STPG2: variants seen among roughly 807,000 people sequenced by gnomAD.
STPG2 encodes the protein sperm tail PG-rich repeat containing 2.
STPG2 carries 56 observed loss-of-function variants against 54.2 expected under a neutral mutation model. The observed-to-expected ratio is 1.03, with a 90% CI of 0.83 to 1.29. The LOEUF (loss-of-function observed/expected upper bound fraction) is 1.29. Among genes scored for constraint, STPG2 ranks in the 50% most tolerant of loss-of-function variants. The pLI, the probability that STPG2 is intolerant of heterozygous loss-of-function variation, is 0.00. For synonymous variants in STPG2, 200 were observed against 181.8 expected (o/e 1.10, Z -0.81); for missense variants, 596 against 544.9 (o/e 1.09, Z -0.93).
At position 97,721,135 on chromosome 4, in the gene STPG2, C is replaced by A. The variant is rs111350119; in HGVS notation, c.1205-8321G>T. 4.9e-3 allele frequency among the ~76,000 whole-genome samples: 749 copies of A among 152,146 alleles called. 4 individuals carry two copies. Among genetic ancestry groups the A allele is most frequent in the Middle Eastern group, 0.02 (6 of 294 alleles). On this transcript the variant is annotated intron_variant, in intron 9 of 10. Coordinates refer to ENST00000295268, the MANE Select transcript of STPG2 (RefSeq NM_174952.3). ...CAAGGAACAGCCTCACTCATTTAGGCAAGCACGTATAGCAAGAGATGAAAA... is the reference window on the plus strand; with the variant it reads ...CAAGGAACAGCCTCACTCATTTAGGAAAGCACGTATAGCAAGAGATGAAAA...
chr4:97,781,357 T>C (rs1726605226), intron 9 of STPG2, among the ~76,000 whole-genome samples: 1 of 152,084 alleles, frequency 6.6e-6, no homozygotes. Flanking sequence ...CCTGGACACA[T>C]ACACCCTCCC....
chr4:97,851,955 T>C (rs1177268072), intron 8 of STPG2, among the ~76,000 whole-genome samples: 1 of 152,228 alleles, frequency 6.6e-6, no homozygotes, highest in African/African-American at 2.4e-5. Context: ...TCTCCAATTA[T>C]AATAGCTCTA....
At chr4:97,505,951 A>G (rs1326305462) in intron 4 of STPG2, among the ~76,000 whole-genome samples, 1 of 140,420 alleles carries the variant, frequency 7.1e-6, no homozygotes, top group Admixed American at 7.9e-5. Context: ...ACTAGCTACT[A>G]TTGTTACATA....
chr4:98,085,704 T>C (rs1738483573), intron 5 of STPG2, among the ~76,000 whole-genome samples: 1 of 152,096 alleles, frequency 6.6e-6, no homozygotes, highest in African/African-American at 2.4e-5. Flanking sequence ...TTGAAATCAA[T>C]TTATTTTTCT....
At chr4:97,844,086 G>C (rs1295222289) in intron 8 of STPG2, among the ~76,000 whole-genome samples, 2 of 151,704 alleles carry the variant, frequency 1.3e-5, no homozygotes, top group Non-Finnish European at 2.9e-5. Flanking sequence ...GGTTTCAGGA[G>C]GCATGAAACC....
chr4:97,726,842 T>TACAC (rs375476697), intron 9 of STPG2, among the ~76,000 whole-genome samples: 19 of 149,286 alleles, frequency 1.3e-4, no homozygotes, highest in African/African-American at 4.2e-4. Context: ...AATACAAACA[T>TACAC]ACACACACAC....
intron 8 of STPG2, among the ~76,000 whole-genome samples, chr4:97,904,166 G>T (rs10007663): frequency 2.6e-5 from 4 of 151,984 alleles, no homozygotes; most frequent in Non-Finnish European, 4.4e-5. Flanking sequence ...AAAACAAAAA[G>T]ACAGCAGTAA....
At chr4:97,733,763 C>T (rs1235138375) in intron 9 of STPG2, among the ~76,000 whole-genome samples, 1 of 152,090 alleles carries the variant, frequency 6.6e-6, no homozygotes. Flanking sequence ...GGGTTCCCAG[C>T]TCCCTCCCTC....
chr4:97,945,042 A>C (rs1459403478), intron 7 of STPG2, among the ~76,000 whole-genome samples: 1 of 152,182 alleles, frequency 6.6e-6, no homozygotes, highest in East Asian at 1.9e-4. Context: ...GAAGCTGAAA[A>C]ATAACTTATT....
At chr4:97,749,718 A>G (rs1725526562) in intron 9 of STPG2, among the ~76,000 whole-genome samples, 1 of 151,802 alleles carries the variant, frequency 6.6e-6, no homozygotes, top group Non-Finnish European at 1.5e-5. Flanking sequence ...AACAAACTGT[A>G]TGGTGGTTGT....
rs1727284 is a variant in STPG2 at position 98,058,431 on chromosome 4, C to G, written c.612+47522G>C. 1.8e-3 allele frequency among the ~76,000 whole-genome samples: 280 copies of G among 152,252 alleles called. 2 individuals are homozygous for G. Among genetic ancestry groups the G allele is most frequent in the Middle Eastern group, 0.014 (4 of 294 alleles). ...CAATCCTAATTTCAGACAAAACAGA[C>G]TTCAAACCAATAAATATCAAAAAAT... On this transcript the variant is annotated intron_variant, in intron 5 of 10. Coordinates refer to ENST00000295268, the MANE Select transcript of STPG2 (RefSeq NM_174952.3).
chr4:97,849,789 G>A (rs570733568), intron 8 of STPG2, among the ~76,000 whole-genome samples: 2 of 151,996 alleles, frequency 1.3e-5, no homozygotes, highest in South Asian at 2.1e-4. Flanking sequence ...TGGAGAGGAT[G>A]TGGAGAAATA....
intron 10 of STPG2, among the ~76,000 whole-genome samples, chr4:97,692,550 T>G (rs1364697643): frequency 6.6e-6 from 1 of 152,152 alleles, no homozygotes; most frequent in Non-Finnish European, 1.5e-5. Context: ...GGGATTATGT[T>G]AAACAACCAA....
At chr4:97,614,249 A>AATAAT (rs1733803804) in intron 10 of STPG2, among the ~76,000 whole-genome samples, 1 of 152,062 alleles carries the variant, frequency 6.6e-6, no homozygotes, top group South Asian at 2.1e-4. Flanking sequence ...ATGTCATTGC[A>AATAAT]GTATTCTCTA....
intron 9 of STPG2, among the ~76,000 whole-genome samples, chr4:97,749,958 A>G (rs1725533631): frequency 6.6e-6 from 1 of 151,796 alleles, no homozygotes; most frequent in Admixed American, 6.6e-5. Context: ...TGCTTCTGCC[A>G]AGCATCCTAG....
At chr4:97,566,152 C>G (rs972453726) in intron 10 of STPG2, among the ~76,000 whole-genome samples, 1 of 152,166 alleles carries the variant, frequency 6.6e-6, no homozygotes, top group African/African-American at 2.4e-5. Context: ...GGGTGCCTCT[C>G]CCCCAGCCTC....
At chr4:97,822,928 C>A (rs1449297851) in intron 9 of STPG2, among the ~76,000 whole-genome samples, 1 of 152,152 alleles carries the variant, frequency 6.6e-6, no homozygotes. Flanking sequence ...TTCCTTAAAC[C>A]AAAGCATAAC....
intron 10 of STPG2, among the ~76,000 whole-genome samples, chr4:97,635,297 T>G (rs1180136406): frequency 6.6e-6 from 1 of 151,926 alleles, no homozygotes; most frequent in Non-Finnish European, 1.5e-5. Flanking sequence ...GGCTGAGAGA[T>G]TTTGTCACCA....
intron 10 of STPG2, among the ~76,000 whole-genome samples, chr4:97,689,299 A>G (rs1443421780): frequency 6.6e-6 from 1 of 152,306 alleles, no homozygotes; most frequent in East Asian, 1.9e-4. Flanking sequence ...AATAAACACA[A>G]TAAATATTTT....
Sources: gnomAD v4.1 joint callset for allele counts (sites outside exome capture counted in the v4.1 genomes callset) on GRCh38, gnomAD v4.1.1 for gene constraint, MANE v1.5 for transcripts, NCBI Gene and HGNC (gene_info 2026-07-23, HGNC 2026-07-21) for gene names.